LAPTM5: variants seen among roughly 807,000 people sequenced by gnomAD.
LAPTM5 encodes lysosomal protein transmembrane 5, also known as lysosomal-associated transmembrane protein 5.
A neutral mutation model predicts 30.1 loss-of-function variants in LAPTM5; 11 were observed. The ratio of observed to expected loss-of-function variants is 0.37; its 90% CI spans 0.23 to 0.60. The LOEUF (loss-of-function observed/expected upper bound fraction) is 0.60. LAPTM5 is among the 20% of genes least tolerant of loss of function. LAPTM5 has a pLI of 0.71. For synonymous variants in LAPTM5, 151 were observed against 137.9 expected, an observed-to-expected ratio of 1.10 and a Z score of -0.67; for missense variants, 324 against 332.5, an observed-to-expected ratio of 0.97 and a Z score of 0.20.
Position 30,732,735 on chromosome 1 carries a change from A to G in LAPTM5, c.*1093T>C, listed in dbSNP as rs1639829613. ...CCCCAGTGGCAGGGTCAGTGCCCACAAGGGGGTTGCCTGCTTTGACTGAAC... is the reference window on the plus strand; with the variant it reads ...CCCCAGTGGCAGGGTCAGTGCCCACGAGGGGGTTGCCTGCTTTGACTGAAC... On this transcript the variant is annotated 3_prime_UTR_variant, in exon 8 of 8. Coordinates refer to ENST00000294507, the MANE Select transcript of LAPTM5 (RefSeq NM_006762.3). 1 of 152,126 alleles carries G rather than the reference A, an allele frequency of 6.6e-6. No individual in the cohort carries two copies. The highest frequency in any genetic ancestry group is 2.4e-5 in the African/African-American group (1 of 41,414). The allele number at this position is 152,126 out of a possible 1,614,324, so 9.4% of individuals were successfully genotyped here. A position where few individuals can be genotyped will look rare whatever the true frequency, so the allele number is the denominator to read the frequency against.
chr1:30,755,918 A>C (rs1473121358), intron 1 of LAPTM5, among the ~76,000 whole-genome samples: 1 of 152,230 alleles, frequency 6.6e-6, no homozygotes, highest in East Asian at 1.9e-4. Context: ...GGGTGGGCCA[A>C]GCAAGGGCTC....
Position 30,739,003 on chromosome 1 carries a change from C to A in LAPTM5, c.447G>T (p.Leu149=). 1 of 1,607,544 alleles carries A rather than the reference C, an allele frequency of 6.2e-7. No individual in the cohort carries two copies. The highest frequency in any genetic ancestry group is 1.1e-5 in the South Asian group (1 of 89,526). ...LQLLDFCLSI[L]TLCSSYMEVP... is the part of the protein sequence containing the mutation. ...CTTCCATGTAGGAGCTGCAGAGGGT[C>A]AGGATGCTCAGGCAGAAGTCCAGCA... The change falls in exon 5 of 8, where the codon CTG becomes CTT. Residue 149 remains leucine, a synonymous_variant. Transcript: ENST00000294507. The surrounding 1 kb of genome is among the most constrained non-coding windows in gnomAD (Gnocchi z 4.2).
intron 1 of LAPTM5, 35 bp downstream of exon 1, chr1:30,757,624 A>C (rs780143652): frequency 1.0e-5 from 16 of 1,600,604 alleles, no homozygotes; most frequent in Non-Finnish European, 8.5e-7. Flanking sequence ...TCACACAAGC[A>C]CGCACGCACA....
intron 1 of LAPTM5, among the ~76,000 whole-genome samples, chr1:30,757,206 C>T (rs952451393): frequency 1.1e-4 from 16 of 152,210 alleles, no homozygotes; most frequent in African/African-American, 2.9e-4. Context: ...CCCTCCAGGC[C>T]CCAGGGGAAG....
rs767643820 is a variant in LAPTM5, at chr1:30,733,908, G to A, written c.709C>T (p.Pro237Ser). The change falls in exon 8 of 8, where the codon CCG becomes TCG. Residue 237 changes from proline to serine, a missense_variant. By Grantham distance (74) the Pro-to-Ser change is moderately conservative (BLOSUM62 -1). Transcript: ENST00000294507. ...AAAGACAGGGCTTCCTCGTAGGACG[G>A]CAGGACCACCTGGGAGAGACAGAGA... ...NSKMLQKVVL[P>S]SYEEALSLPS... is the part of the protein sequence containing the mutation. 4 of 1,611,150 alleles carry A rather than the reference G, an allele frequency of 2.5e-6. No individual in the cohort carries two copies. The highest frequency in any genetic ancestry group is 3.4e-6 in the Non-Finnish European group (4 of 1,179,382).
In LAPTM5 at chr1:30,739,375, C is replaced by A. The variant is rs1258488549; in HGVS notation, c.388-313G>T. 3 of 283,314 alleles carry A rather than the reference C, an allele frequency of 1.1e-5. No homozygotes were observed. Among genetic ancestry groups the A allele is most frequent in the Non-Finnish European group, 1.3e-5 (2 of 148,190 alleles). The allele number at this position is 283,314 out of a possible 1,614,324, so 17.6% of individuals were successfully genotyped here. A position where few individuals can be genotyped will look rare whatever the true frequency, so the allele number is the denominator to read the frequency against. On this transcript the variant is annotated intron_variant, in intron 4 of 7. Coordinates refer to ENST00000294507, the MANE Select transcript of LAPTM5 (RefSeq NM_006762.3). The surrounding 1 kb of genome is among the most constrained non-coding windows in gnomAD (Gnocchi z 4.2). ...TTTGGGAGACTGTGTCCTTGACTGG[C>A]AGCAGCCCTCAAGCCACCCCACAGT...
chr1:30,755,150 G>T (rs1328146648), intron 1 of LAPTM5, among the ~76,000 whole-genome samples: 1 of 152,100 alleles, frequency 6.6e-6, no homozygotes, highest in East Asian at 1.9e-4. Context: ...GCTTGCTCCT[G>T]CTCTAGAACG....
intron 1 of LAPTM5, among the ~76,000 whole-genome samples, chr1:30,747,292 G>A (rs1640062439): frequency 6.6e-6 from 1 of 152,208 alleles, no homozygotes; most frequent in African/African-American, 2.4e-5. Flanking sequence ...GGGAAACTCA[G>A]AAGGCACGGG....
At chr1:30,752,661 G>A (rs1015932091) in intron 1 of LAPTM5, among the ~76,000 whole-genome samples, 27 of 152,196 alleles carry the variant, frequency 1.8e-4, no homozygotes, top group African/African-American at 1.4e-4. Context: ...CATTGTCCTC[G>A]TCGGTTTTTC....
At chr1:30,735,317 T>C (rs780267330) in intron 6 of LAPTM5, 52 bp from the exon 7 acceptor site, 5 of 1,469,492 alleles carry the variant, frequency 3.4e-6, no homozygotes, top group South Asian at 1.1e-5. Flanking sequence ...CTTCTCACGC[T>C]CCAGCAGGCC....
At position 30,739,019 on chromosome 1, in the gene LAPTM5, A is replaced by G; in HGVS notation, c.431T>C (p.Phe144Ser). Residue 144 changes from phenylalanine to serine, a missense_variant, in exon 5 of 8, where the codon TTC becomes TCC. By Grantham distance (155) the Phe-to-Ser change is radical (BLOSUM62 -2). Transcript: ENST00000294507. The surrounding 1 kb of genome is among the most constrained non-coding windows in gnomAD (Gnocchi z 4.2). Reference sequence around the variant, plus strand: ...GCAGAGGGTCAGGATGCTCAGGCAGAAGTCCAGCAGCTGCAGCGTCATCAG... The same window carrying G: ...GCAGAGGGTCAGGATGCTCAGGCAGGAGTCCAGCAGCTGCAGCGTCATCAG... ...FPLMTLQLLD[F>S]CLSILTLCSS... The G allele has an allele frequency of 6.2e-7, 1 of 1,606,882 alleles. No individual in the cohort carries two copies. Among genetic ancestry groups the G allele is most frequent in the Non-Finnish European group, 8.5e-7 (1 of 1,176,578 alleles).
At chr1:30,748,120 A>G (rs1569867826) in intron 1 of LAPTM5, among the ~76,000 whole-genome samples, 1 of 152,064 alleles carries the variant, frequency 6.6e-6, no homozygotes, top group Non-Finnish European at 1.5e-5. Context: ...GCGGAGACCC[A>G]CCATCTGAGA....
At chr1:30,741,435 T>C (rs1639968940) in intron 3 of LAPTM5, among the ~76,000 whole-genome samples, 1 of 152,220 alleles carries the variant, frequency 6.6e-6, no homozygotes, top group African/African-American at 2.4e-5. Context: ...TGGAGGCTCA[T>C]GTTACCAGGG....
At chr1:30,737,189 A>G (rs940737127) in intron 6 of LAPTM5, among the ~76,000 whole-genome samples, 4 of 152,130 alleles carry the variant, frequency 2.6e-5, no homozygotes, top group African/African-American at 9.7e-5. Context: ...CTCTATTAAC[A>G]TAATCTCAGG....
At chr1:30,748,281 A>G (rs979707168) in intron 1 of LAPTM5, among the ~76,000 whole-genome samples, 4 of 152,096 alleles carry the variant, frequency 2.6e-5, no homozygotes, top group Admixed American at 1.3e-4. Flanking sequence ...GCACAAGAAG[A>G]CAGGCCCGGG....
At chr1:30,738,211 T>A (rs1248116893) in intron 5 of LAPTM5, among the ~76,000 whole-genome samples, 1 of 152,192 alleles carries the variant, frequency 6.6e-6, no homozygotes, top group Non-Finnish European at 1.5e-5. Flanking sequence ...CCTCTCCCCT[T>A]GAGTGTGGGC....
At chr1:30,757,291 G>A (rs1268915827) in intron 1 of LAPTM5, among the ~76,000 whole-genome samples, 1 of 152,214 alleles carries the variant, frequency 6.6e-6, no homozygotes, top group Admixed American at 6.5e-5. Flanking sequence ...CAAGATCCCT[G>A]CCTTCCAAAG....
rs1201792949 is a variant in LAPTM5 at position 30,747,494 on chromosome 1, C to T, written c.88-4945G>A. On this transcript the variant is annotated intron_variant, in intron 1 of 7. Coordinates refer to ENST00000294507, the MANE Select transcript of LAPTM5 (RefSeq NM_006762.3). ...CCCTTCCCACCCCCACTCTCCTTTC[C>T]CGCTTTTCACCTCTTCTTCTGCCCA... 2.0e-5 allele frequency among the ~76,000 whole-genome samples: 3 copies of T among 152,332 alleles called. No individual in the cohort carries two copies. In the South Asian group the frequency reaches 6.2e-4, roughly 32 times the overall value.
chr1:30,744,772 A>C (rs966902915), intron 1 of LAPTM5, among the ~76,000 whole-genome samples: 22 of 152,146 alleles, frequency 1.4e-4, no homozygotes, highest in Non-Finnish European at 3.2e-4. Context: ...AAAATGCCTC[A>C]GAGCCCTGCT....
Sources: gnomAD v4.1 joint callset for allele counts (sites outside exome capture counted in the v4.1 genomes callset) on GRCh38, gnomAD v4.1.1 for gene constraint, Gnocchi (gnomAD v3.1) non-coding constraint, MANE v1.5 for transcripts, NCBI Gene and HGNC (gene_info 2026-07-23, HGNC 2026-07-21) for gene names.